PLEKHM3: variants seen among roughly 807,000 people sequenced by gnomAD.
PLEKHM3 encodes pleckstrin homology domain-containing family M member 3.
In PLEKHM3, 45 loss-of-function variants were observed where a neutral mutation model predicts 81.8. That is an observed-to-expected ratio of 0.55 (90% CI 0.43 to 0.71). The LOEUF (loss-of-function observed/expected upper bound fraction) is 0.71. Ranked by LOEUF, PLEKHM3 falls within the 30% of genes least tolerant of loss-of-function variation. The pLI, the probability that PLEKHM3 is intolerant of heterozygous loss-of-function variation, is 0.00. For missense variants in PLEKHM3, 788 were observed against 924.3 expected, an observed-to-expected ratio of 0.85 and a Z score of 1.91; for synonymous variants, 352 against 356.4, an observed-to-expected ratio of 0.99 and a Z score of 0.14.
At chr2:207,958,667 T>C (rs879680284) in intron 3 of PLEKHM3, among the ~76,000 whole-genome samples, 33 of 152,154 alleles carry the variant, frequency 2.2e-4, no homozygotes, top group Admixed American at 1.3e-3. Context: ...CCCAGCACTT[T>C]GGGAGGCCGA....
chr2:207,948,974 G>C (rs1197643895), intron 3 of PLEKHM3, among the ~76,000 whole-genome samples: 2 of 135,824 alleles, frequency 1.5e-5, no homozygotes, highest in Non-Finnish European at 3.3e-5. Flanking sequence ...ACCATGCCCG[G>C]TCCAGATCTT....
At chr2:207,901,225 A>G in intron 6 of PLEKHM3, 2 of 702,702 alleles carry the variant, frequency 2.8e-6, no homozygotes, top group African/African-American at 1.7e-5. Context: ...AGTGCCGCAC[A>G]TTTGCTGCCA....
In PLEKHM3 at chr2:207,830,457, T is replaced by C. The variant is rs145739957; in HGVS notation, c.2109-1961A>G. Among the ~76,000 whole-genome samples the C allele has an allele frequency of 1.3e-4, 20 of 151,434 alleles. No individual in the cohort carries two copies. The East Asian group carries it at 3.3e-3, about 25-fold the overall frequency. ...GGTGAAACCCCGACTCTACTGAAAA[T>C]ACAAAATTAGCCGGGCGTGGTGACG... is the stretch of plus-strand genomic sequence containing the variant. On this transcript the variant is annotated intron_variant, in intron 7 of 7. Transcript: ENST00000427836.
At chr2:208,006,163 C>G (rs544087216) in intron 1 of PLEKHM3, among the ~76,000 whole-genome samples, 3 of 152,290 alleles carry the variant, frequency 2.0e-5, no homozygotes, top group African/African-American at 7.2e-5. Context: ...TCCAACCTTA[C>G]TCTTTGGAAT....
chr2:207,921,363 A>T (rs1338565351), intron 5 of PLEKHM3, among the ~76,000 whole-genome samples: 1 of 152,118 alleles, frequency 6.6e-6, no homozygotes, highest in African/African-American at 2.4e-5. Context: ...CTTTTAAAAA[A>T]ATTATTATTA....
intron 6 of PLEKHM3, among the ~76,000 whole-genome samples, chr2:207,871,223 C>T (rs1333264481): frequency 1.3e-5 from 2 of 152,188 alleles, no homozygotes; most frequent in African/African-American, 4.8e-5. Flanking sequence ...TGGCTCAATG[C>T]TGGGATGTTT....
At chr2:207,871,058 C>T (rs373530703) in intron 6 of PLEKHM3, among the ~76,000 whole-genome samples, 2 of 152,132 alleles carry the variant, frequency 1.3e-5, no homozygotes, top group African/African-American at 4.8e-5. Flanking sequence ...CAGTGAACTA[C>T]GAGCTATGAT....
In PLEKHM3 at chr2:207,926,882, T is replaced by A. The variant is rs541984210; in HGVS notation, c.1886+4044A>T. ...TCCCTAATAAGGCGACGGCCAAAGC[T>A]GGCTCCCTGGCGGTCGAGCGCTAAT... On this transcript the variant is annotated intron_variant, in intron 5 of 7. Transcript: ENST00000427836. Among the ~76,000 whole-genome samples, 3 of 152,356 alleles carry A rather than the reference T, an allele frequency of 2.0e-5. No homozygotes were observed. In the South Asian group the frequency reaches 6.2e-4, roughly 32 times the overall value.
At chr2:207,897,147 A>G (rs1391658003) in intron 6 of PLEKHM3, among the ~76,000 whole-genome samples, 1 of 152,198 alleles carries the variant, frequency 6.6e-6, no homozygotes, top group Non-Finnish European at 1.5e-5. Context: ...AAATGAAGCT[A>G]TTCTGCATTC....
At chr2:207,831,397 C>T (rs1185874092) in intron 7 of PLEKHM3, among the ~76,000 whole-genome samples, 1 of 152,206 alleles carries the variant, frequency 6.6e-6, no homozygotes, top group Non-Finnish European at 1.5e-5. Context: ...CTGGCCATCC[C>T]AGCGAGAGCA....
chr2:207,940,672 G>A (rs959549712), intron 4 of PLEKHM3, among the ~76,000 whole-genome samples: 1 of 152,194 alleles, frequency 6.6e-6, no homozygotes, highest in African/African-American at 2.4e-5. Flanking sequence ...CCCTTAATAA[G>A]TGCAATCCTC....
intron 6 of PLEKHM3, among the ~76,000 whole-genome samples, chr2:207,906,775 C>A (rs368887287): frequency 6.6e-6 from 1 of 151,634 alleles, no homozygotes; most frequent in Admixed American, 6.6e-5. Context: ...GGCAACAGAG[C>A]GAGACTGTCA....
intron 6 of PLEKHM3, chr2:207,901,179 G>T: frequency 1.4e-6 from 1 of 690,836 alleles, no homozygotes; most frequent in Admixed American, 2.0e-5. Flanking sequence ...TCATCTTTCT[G>T]ATCTGGCTTC....
chr2:207,822,687 A>T lies in PLEKHM3; in HGVS notation c.*5632T>A, dbSNP rs1247800725. Reference sequence around the variant, plus strand: ...GGCTGAACAAGGTGAGAGTTCTGACATGCATCATGGAATGCACAGGCTCCA... The same window carrying T: ...GGCTGAACAAGGTGAGAGTTCTGACTTGCATCATGGAATGCACAGGCTCCA... On this transcript the variant is annotated 3_prime_UTR_variant, in exon 8 of 8. Coordinates refer to ENST00000427836, the MANE Select transcript of PLEKHM3 (RefSeq NM_001080475.3). The T allele has an allele frequency of 6.6e-6, 1 of 152,392 alleles. No homozygotes were observed. The highest frequency in any genetic ancestry group is 1.5e-5 in the Non-Finnish European group (1 of 68,074). 9.4% of individuals were successfully genotyped at this position (152,392 alleles called of 1,614,324 possible).
chr2:207,841,238 G>A (rs559451166), intron 7 of PLEKHM3, among the ~76,000 whole-genome samples: 3 of 150,820 alleles, frequency 2.0e-5, no homozygotes, highest in Non-Finnish European at 4.4e-5. Context: ...AGGCCGAGGT[G>A]GGCAGATCAC....
intron 2 of PLEKHM3, among the ~76,000 whole-genome samples, chr2:207,995,407 T>C (rs1692087094): frequency 6.6e-6 from 1 of 152,072 alleles, no homozygotes; most frequent in South Asian, 2.1e-4. Flanking sequence ...ACTACCCCCA[T>C]AGAGATTTAC....
intron 5 of PLEKHM3, 123 bp downstream of exon 5, chr2:207,930,803 G>A: frequency 2.8e-6 from 3 of 1,073,366 alleles, no homozygotes; most frequent in South Asian, 1.5e-5. Context: ...GTGGAGAGGC[G>A]GAGGGCGAGC....
intron 3 of PLEKHM3, among the ~76,000 whole-genome samples, chr2:207,965,372 C>T (rs1273769015): frequency 2.0e-5 from 3 of 147,372 alleles, no homozygotes; most frequent in African/African-American, 7.6e-5. Context: ...GCAACAAAGA[C>T]TAGGAGAAAT....
chr2:207,843,959 T>C lies in PLEKHM3; in HGVS notation c.2109-15463A>G, dbSNP rs1008700319. On this transcript the variant is annotated intron_variant, in intron 7 of 7. Transcript: ENST00000427836. The surrounding 1 kb of genome is among the most constrained non-coding windows in gnomAD (Gnocchi z 4.4). Reference sequence around the variant, plus strand: ...TTAACCAAGCATGGTGGCGTGCATCTGTAGTCCCAGTTACCTGGGAGGCTG... The same window carrying C: ...TTAACCAAGCATGGTGGCGTGCATCCGTAGTCCCAGTTACCTGGGAGGCTG... Among the ~76,000 whole-genome samples, 3 of 152,056 alleles carry C rather than the reference T, an allele frequency of 2.0e-5. No homozygotes were observed. Among genetic ancestry groups the C allele is most frequent in the Non-Finnish European group, 4.4e-5 (3 of 68,028 alleles).
Sources: allele counts gnomAD v4.1 joint callset (sites outside exome capture counted in the v4.1 genomes callset), GRCh38; gene constraint gnomAD v4.1.1; non-coding constraint Gnocchi (gnomAD v3.1); transcripts MANE v1.5; gene names NCBI Gene and HGNC (gene_info 2026-07-23, HGNC 2026-07-21).